CHN2: variants seen among roughly 807,000 people sequenced by gnomAD.
The protein encoded by CHN2 is beta-chimaerin.
In CHN2, 35 loss-of-function variants were observed where a neutral mutation model predicts 56.3. That is an observed-to-expected ratio of 0.62 (90% CI 0.47 to 0.82). The LOEUF (loss-of-function observed/expected upper bound fraction) is 0.82, where lower values mean the gene tolerates loss of function less well. Among genes scored for constraint, CHN2 ranks in the 40% least tolerant of loss-of-function variants. CHN2 has a pLI of 0.00. For missense variants in CHN2, 491 were observed against 580.5 expected (o/e 0.85, Z 1.58); for synonymous variants, 210 against 212.8 (o/e 0.99, Z 0.12).
intron 2 of CHN2, among the ~76,000 whole-genome samples, chr7:29,359,179 C>G (rs1033830527): frequency 2.0e-5 from 3 of 152,266 alleles, no homozygotes; most frequent in Admixed American, 6.5e-5. Context: ...TGCCCTAAAC[C>G]AATCAGGACT....
At chr7:29,214,334 G>A (rs1785180198) in intron 1 of CHN2, among the ~76,000 whole-genome samples, 1 of 152,058 alleles carries the variant, frequency 6.6e-6, no homozygotes, top group South Asian at 2.1e-4. Context: ...TCCTATGCAG[G>A]AGCTGGAGTA....
At chr7:29,415,894 T>C (rs925432090) in intron 6 of CHN2, among the ~76,000 whole-genome samples, 19 of 152,226 alleles carry the variant, frequency 1.2e-4, no homozygotes, top group Non-Finnish European at 7.3e-5. Context: ...CATTTTTAAA[T>C]GATGACACTA....
At chr7:29,275,719 C>T (rs1791142700) in intron 1 of CHN2, among the ~76,000 whole-genome samples, 1 of 152,106 alleles carries the variant, frequency 6.6e-6, no homozygotes, top group East Asian at 1.9e-4. Flanking sequence ...CTCTCAGGGC[C>T]TCTCAGGGTC....
Position 29,374,291 on chromosome 7 carries a change from C to T in CHN2, c.144+6304C>T, listed in dbSNP as rs905976782. Among the ~76,000 whole-genome samples, 3 of 152,106 alleles carry T rather than the reference C, an allele frequency of 2.0e-5. No individual in the cohort carries two copies. The East Asian group carries it at 5.8e-4, about 29-fold the overall frequency. On this transcript the variant is annotated intron_variant, in intron 3 of 12. Transcript: ENST00000222792. ...GAACTGGACTTGCTTTGGGTTTAGACCTGATGTAGTACAGGGGAAAAATCT... is the reference window on the plus strand; with the variant it reads ...GAACTGGACTTGCTTTGGGTTTAGATCTGATGTAGTACAGGGGAAAAATCT...
chr7:29,362,654 C>G (rs1372846035), intron 2 of CHN2, among the ~76,000 whole-genome samples: 2 of 152,188 alleles, frequency 1.3e-5, no homozygotes, highest in Non-Finnish European at 1.5e-5. Context: ...CATTTCCTTT[C>G]CCTGCAGTTC....
chr7:29,148,164 T>A (rs717132), intron 2 of CHN2, among the ~76,000 whole-genome samples: 14,518 of 152,154 alleles, frequency 0.095, 1,566 homozygotes, highest in African/African-American at 0.24. Flanking sequence ...GCAGGCTCAG[T>A]GCCATTTGGG....
At chr7:29,343,094 G>A (rs3793283) in intron 1 of CHN2, among the ~76,000 whole-genome samples, 41,012 of 152,162 alleles carry the variant, frequency 0.27, 6,450 homozygotes, top group East Asian at 0.38. Flanking sequence ...TTTGTAAAGA[G>A]GCAGGGAGCT....
At chr7:29,373,654 CTG>C (rs1799796541) in intron 3 of CHN2, among the ~76,000 whole-genome samples, 1 of 152,166 alleles carries the variant, frequency 6.6e-6, no homozygotes, top group South Asian at 2.1e-4. Context: ...TTTCTAAAAA[CTG>C]TTCCTGTAAA....
At chr7:29,205,313 A>G (rs1292014389) in intron 1 of CHN2, among the ~76,000 whole-genome samples, 2 of 152,166 alleles carry the variant, frequency 1.3e-5, no homozygotes, top group African/African-American at 4.8e-5. Flanking sequence ...ATGTGGGTTC[A>G]TTGGAACCAC....
chr7:29,282,870 CG>C (rs1562888394), intron 1 of CHN2, among the ~76,000 whole-genome samples: 2 of 151,278 alleles, frequency 1.3e-5, no homozygotes, highest in East Asian at 1.9e-4. Context: ...AAATAGGAAT[CG>C]TGAAAGAAGC....
At chr7:29,450,029 G>A (rs556658898) in intron 6 of CHN2, among the ~76,000 whole-genome samples, 2 of 152,156 alleles carry the variant, frequency 1.3e-5, no homozygotes, top group African/African-American at 4.8e-5. Context: ...TTCCCTAGGG[G>A]ATGTGGTACA....
At chr7:29,163,558 A>G (rs1042638396) in intron 2 of CHN2, among the ~76,000 whole-genome samples, 3 of 152,110 alleles carry the variant, frequency 2.0e-5, no homozygotes, top group South Asian at 2.1e-4. Context: ...TTTTTTTACA[A>G]TCTTATTAAG....
chr7:29,403,230 G>T (rs1802365932), intron 6 of CHN2, among the ~76,000 whole-genome samples: 1 of 150,476 alleles, frequency 6.6e-6, no homozygotes. Context: ...CAGAGATTCT[G>T]TTTCCCTTAA....
chr7:29,299,139 A>G (rs1319071173), intron 1 of CHN2, among the ~76,000 whole-genome samples: 2 of 152,186 alleles, frequency 1.3e-5, no homozygotes, highest in Non-Finnish European at 2.9e-5. Context: ...AGAAGAGGCC[A>G]GGCTCCCCAC....
intron 2 of CHN2, among the ~76,000 whole-genome samples, chr7:29,161,832 A>G (rs1325475965): frequency 6.6e-6 from 1 of 152,228 alleles, no homozygotes; most frequent in African/African-American, 2.4e-5. Flanking sequence ...GTCAACAGTG[A>G]GAAAACAATC....
chr7:29,435,555 T>C (rs1451363614), intron 6 of CHN2, among the ~76,000 whole-genome samples: 1 of 152,220 alleles, frequency 6.6e-6, no homozygotes, highest in Non-Finnish European at 1.5e-5. Flanking sequence ...CTGTACTGAA[T>C]TCTGGGGGCA....
At chr7:29,420,375 G>A (rs1488210578) in intron 6 of CHN2, among the ~76,000 whole-genome samples, 1 of 152,184 alleles carries the variant, frequency 6.6e-6, no homozygotes, top group Non-Finnish European at 1.5e-5. Flanking sequence ...CAACTCAAGT[G>A]TCTATGGATG....
At chr7:29,349,540 CCTT>C (rs1460172327) in intron 1 of CHN2, among the ~76,000 whole-genome samples, 1 of 152,140 alleles carries the variant, frequency 6.6e-6, no homozygotes, top group African/African-American at 2.4e-5. Context: ...TTCACCACTC[CCTT>C]CTTTCTGTGC....
chr7:29,423,006 T>TC (rs778957640), intron 6 of CHN2, among the ~76,000 whole-genome samples: 4 of 152,232 alleles, frequency 2.6e-5, no homozygotes, highest in Non-Finnish European at 4.4e-5. Flanking sequence ...TAATTCTACT[T>TC]CCTTCTTCAG....
Sources: gnomAD v4.1 joint callset for allele counts (sites outside exome capture counted in the v4.1 genomes callset) on GRCh38, gnomAD v4.1.1 for gene constraint, MANE v1.5 for transcripts, NCBI Gene and HGNC (gene_info 2026-07-23, HGNC 2026-07-21) for gene names.